SH3D19: variants seen among roughly 807,000 people sequenced by gnomAD.
The protein encoded by SH3D19 is SH3 domain containing 19, also known as SH3 domain-containing protein 19.
Under a neutral mutation model 112.1 loss-of-function variants are expected in SH3D19, and 58 were observed. The observed-to-expected ratio is 0.52, with a 90% CI of 0.42 to 0.64. SH3D19 has a LOEUF of 0.64. Among genes scored for constraint, SH3D19 ranks in the 30% least tolerant of loss-of-function variants. SH3D19 has a pLI of 0.00. For missense variants in SH3D19, 1,090 were observed against 1,263.4 expected (o/e 0.86, Z 2.08); for synonymous variants, 391 against 448.5 (o/e 0.87, Z 1.62).
chr4:151,293,432 C>T (rs1335731873), intron 1 of SH3D19, among the ~76,000 whole-genome samples: 1 of 151,020 alleles, frequency 6.6e-6, no homozygotes, highest in South Asian at 2.1e-4. Context: ...GAGATTGCGC[C>T]ACTGCACTCC....
intron 17 of SH3D19, among the ~76,000 whole-genome samples, chr4:151,131,082 T>A (rs532313813): frequency 6.1e-4 from 93 of 152,288 alleles, no homozygotes; most frequent in Non-Finnish European, 1.1e-3. Flanking sequence ...TTATATCCCC[T>A]TTCCCTATGT....
At chr4:151,162,713 G>A (rs1757374205) in intron 8 of SH3D19, among the ~76,000 whole-genome samples, 1 of 149,944 alleles carries the variant, frequency 6.7e-6, no homozygotes, top group African/African-American at 2.5e-5. Flanking sequence ...TCCTGCATCA[G>A]CCAAGCGCAT....
chr4:151,300,055 G>C (rs1420410683), intron 1 of SH3D19, among the ~76,000 whole-genome samples: 1 of 152,038 alleles, frequency 6.6e-6, no homozygotes, highest in Non-Finnish European at 1.5e-5. Flanking sequence ...TACAAAATTA[G>C]CCAGGCGTGG....
intron 2 of SH3D19, among the ~76,000 whole-genome samples, chr4:151,221,640 C>G (rs1768069674): frequency 6.6e-6 from 1 of 152,160 alleles, no homozygotes; most frequent in African/African-American, 2.4e-5. Flanking sequence ...CCTCAAAATA[C>G]CTTTGGCATT....
At chr4:151,174,033 T>C (rs140932579) in intron 7 of SH3D19, among the ~76,000 whole-genome samples, 29 of 152,356 alleles carry the variant, frequency 1.9e-4, no homozygotes, top group African/African-American at 6.7e-4. Context: ...AGCTAACTTG[T>C]ATCTGTTGTA....
At chr4:151,294,420 C>T (rs773849836) in intron 1 of SH3D19, among the ~76,000 whole-genome samples, 76 of 152,314 alleles carry the variant, frequency 5.0e-4, no homozygotes, top group Non-Finnish European at 9.0e-4. Flanking sequence ...AAGGACCAGG[C>T]CATGCAACTG....
intron 7 of SH3D19, among the ~76,000 whole-genome samples, chr4:151,167,807 C>T (rs987926104): frequency 2.7e-5 from 4 of 150,264 alleles, no homozygotes; most frequent in Admixed American, 2.0e-4. Context: ...GCCTGGCTGC[C>T]GCCCCATCTG....
chr4:151,214,857 G>A (rs1240035601), intron 2 of SH3D19, among the ~76,000 whole-genome samples: 2 of 148,282 alleles, frequency 1.3e-5, no homozygotes, highest in African/African-American at 2.5e-5. Flanking sequence ...GGGCAGAGAC[G>A]CTCCTCACTT....
At chr4:151,198,101 C>G (rs1026883869) in intron 2 of SH3D19, among the ~76,000 whole-genome samples, 4 of 151,260 alleles carry the variant, frequency 2.6e-5, no homozygotes, top group Admixed American at 1.3e-4. Context: ...GTTAGCAGAT[C>G]GAGACAATCC....
chr4:151,287,614 T>C (rs1403216516), intron 1 of SH3D19, among the ~76,000 whole-genome samples: 1 of 152,050 alleles, frequency 6.6e-6, no homozygotes, highest in African/African-American at 2.4e-5. Context: ...GGGTTCTTTT[T>C]AGGATGTGGT....
At chr4:151,255,624 T>C (rs949082801) in intron 1 of SH3D19, among the ~76,000 whole-genome samples, 14 of 150,862 alleles carry the variant, frequency 9.3e-5, no homozygotes, top group African/African-American at 3.4e-4. Flanking sequence ...CCAGACGGGG[T>C]GGCGGCCGGG....
At chr4:151,307,017 CT>C (rs750863632) in intron 1 of SH3D19, among the ~76,000 whole-genome samples, 18,514 of 122,604 alleles carry the variant, frequency 0.15, 834 homozygotes, top group South Asian at 0.24. Flanking sequence ...ATGATGACTT[CT>C]TTTTTTTTTT....
chr4:151,234,921 T>A (rs1769921856), intron 1 of SH3D19, among the ~76,000 whole-genome samples: 1 of 151,918 alleles, frequency 6.6e-6, no homozygotes, highest in Non-Finnish European at 1.5e-5. Context: ...TTAAAAAAAC[T>A]TTTTTTCTTG....
chr4:151,122,340 AACAATG>A, intron 19 of SH3D19, 133 bp from the exon 20 acceptor site: 1 of 605,932 alleles, frequency 1.7e-6, no homozygotes, highest in African/African-American at 1.9e-5. Flanking sequence ...ATTAAATGAC[AACAATG>A]ATCTATACCT....
intron 14 of SH3D19, among the ~76,000 whole-genome samples, chr4:151,135,427 T>TA (rs1362578382): frequency 7.0e-6 from 1 of 142,132 alleles, no homozygotes; most frequent in Non-Finnish European, 1.5e-5. Context: ...TCTCATTTTT[T>TA]TTTTTTTTTT....
At chr4:151,168,399 C>CT (rs35899876) in intron 7 of SH3D19, among the ~76,000 whole-genome samples, 59 of 45,432 alleles carry the variant, frequency 1.3e-3, no homozygotes, top group South Asian at 3.7e-3. Flanking sequence ...AGTAGCATTT[C>CT]TTTTTTTTTT....
At chr4:151,267,623 G>GT (rs1055012104) in intron 1 of SH3D19, among the ~76,000 whole-genome samples, 1 of 151,948 alleles carries the variant, frequency 6.6e-6, no homozygotes. Flanking sequence ...ATCAAATCTT[G>GT]TTTTTTTCAA....
intron 3 of SH3D19, among the ~76,000 whole-genome samples, chr4:151,179,706 C>A (rs1412364625): frequency 6.6e-6 from 1 of 152,058 alleles, no homozygotes; most frequent in African/African-American, 2.4e-5. Context: ...AATTGCATGG[C>A]TGGAGTATTA....
At chr4:151,275,861 T>TTTTTTTTTTG (rs201239876) in intron 1 of SH3D19, among the ~76,000 whole-genome samples, 9 of 132,368 alleles carry the variant, frequency 6.8e-5, no homozygotes, top group South Asian at 2.3e-4. Context: ...TTTTTTTTTT[T>TTTTTTTTTTG]AGACGGAGTC....
Sources: allele counts gnomAD v4.1 joint callset (sites outside exome capture counted in the v4.1 genomes callset), GRCh38; gene constraint gnomAD v4.1.1; transcripts MANE v1.5; gene names NCBI Gene and HGNC (gene_info 2026-07-23, HGNC 2026-07-21).